PARD3B: variants seen among roughly 807,000 people sequenced by gnomAD.
PARD3B encodes partitioning defective 3 homolog B.
PARD3B carries 103 observed loss-of-function variants against 130.2 expected under a neutral mutation model. The observed-to-expected ratio is 0.79, with a 90% CI of 0.67 to 0.93. PARD3B has a LOEUF of 0.93. Among genes scored for constraint, PARD3B ranks in the 40% least tolerant of loss-of-function variants. The pLI is 0.00. For synonymous variants in PARD3B, 583 were observed against 553.2 expected (o/e 1.05, Z -0.76); for missense variants, 1,609 against 1,499.2 (o/e 1.07, Z -1.21).
chr2:205,531,295 A>G (rs2051581242), intron 21 of PARD3B, among the ~76,000 whole-genome samples: 1 of 152,154 alleles, frequency 6.6e-6, no homozygotes, highest in African/African-American at 2.4e-5. Flanking sequence ...GAGAAAAGCC[A>G]CCCAGAGAGA....
At chr2:205,238,338 G>A (rs2039160765) in intron 15 of PARD3B, among the ~76,000 whole-genome samples, 1 of 152,128 alleles carries the variant, frequency 6.6e-6, no homozygotes, top group Admixed American at 6.6e-5. Flanking sequence ...CAGGTGCAGT[G>A]GCACCGGCTG....
At chr2:205,533,794 A>C (rs2051711737) in intron 21 of PARD3B, among the ~76,000 whole-genome samples, 1 of 152,044 alleles carries the variant, frequency 6.6e-6, no homozygotes, top group South Asian at 2.1e-4. Context: ...CAGGGGTGCA[A>C]ACAGGTCACT....
intron 2 of PARD3B, among the ~76,000 whole-genome samples, chr2:204,939,992 G>A (rs1688781462): frequency 6.6e-6 from 1 of 152,148 alleles, no homozygotes; most frequent in Non-Finnish European, 1.5e-5. Context: ...TTGGTAAGTT[G>A]AAATATTGTA....
At chr2:204,909,882 A>G (rs77406642) in intron 2 of PARD3B, among the ~76,000 whole-genome samples, 3,397 of 152,256 alleles carry the variant, frequency 0.022, 56 homozygotes, top group Non-Finnish European at 0.037. Context: ...TTTTCGAACT[A>G]TTTTTCTCAT....
intron 3 of PARD3B, among the ~76,000 whole-genome samples, chr2:204,992,792 C>T (rs1315506985): frequency 6.9e-6 from 1 of 144,820 alleles, no homozygotes; most frequent in African/African-American, 2.6e-5. Flanking sequence ...GAGGTCCTTC[C>T]CATCCCTTGT....
At chr2:204,806,331 A>G (rs1276685851) in intron 2 of PARD3B, among the ~76,000 whole-genome samples, 1 of 152,176 alleles carries the variant, frequency 6.6e-6, no homozygotes, top group African/African-American at 2.4e-5. Flanking sequence ...CTAGAAAGAA[A>G]TCCACAAATC....
chr2:205,504,154 A>G (rs946483405), intron 21 of PARD3B, among the ~76,000 whole-genome samples: 1 of 152,238 alleles, frequency 6.6e-6, no homozygotes, highest in Non-Finnish European at 1.5e-5. Flanking sequence ...ATAATTCCCT[A>G]TTTAATAAAT....
intron 2 of PARD3B, among the ~76,000 whole-genome samples, chr2:204,820,809 C>G (rs1459261167): frequency 8.7e-6 from 1 of 115,004 alleles, no homozygotes; most frequent in African/African-American, 3.4e-5. Flanking sequence ...GAGTGAGACT[C>G]TTGTCTCAAA....
intron 21 of PARD3B, among the ~76,000 whole-genome samples, chr2:205,513,271 G>C (rs774916424): frequency 2.6e-5 from 4 of 152,000 alleles, no homozygotes; most frequent in African/African-American, 7.2e-5. Context: ...TGTGGCTTTC[G>C]TGTGGTTCCA....
At chr2:204,838,869 T>TA (rs749692802) in intron 2 of PARD3B, among the ~76,000 whole-genome samples, 8 of 152,084 alleles carry the variant, frequency 5.3e-5, no homozygotes, top group Non-Finnish European at 7.4e-5. Context: ...AATAAAAATT[T>TA]AAAAAAACAA....
chr2:204,974,314 G>A (rs1157727895), intron 3 of PARD3B, among the ~76,000 whole-genome samples: 1 of 152,120 alleles, frequency 6.6e-6, no homozygotes, highest in Non-Finnish European at 1.5e-5. Flanking sequence ...ATGTATGTTT[G>A]TAGAATACGG....
Position 204,649,578 on chromosome 2 carries a change from T to C in PARD3B, c.121-36603T>C, listed in dbSNP as rs150561470. On this transcript the variant is annotated intron_variant, in intron 1 of 22. Coordinates refer to ENST00000406610, the MANE Select transcript of PARD3B (RefSeq NM_001302769.2). ...ACCACCACCCAGACACACAAAAAAATGGAACAGAATAGAGAGCCCAGAAAT... is the reference window on the plus strand; with the variant it reads ...ACCACCACCCAGACACACAAAAAAACGGAACAGAATAGAGAGCCCAGAAAT... 1.4e-3 allele frequency among the ~76,000 whole-genome samples: 208 copies of C among 150,382 alleles called. 1 individual carries two copies. Among genetic ancestry groups the C allele is most frequent in the African/African-American group, 4.9e-3 (201 of 41,076 alleles).
chr2:204,608,590 G>A (rs891602147), intron 1 of PARD3B, among the ~76,000 whole-genome samples: 3 of 152,140 alleles, frequency 2.0e-5, no homozygotes, highest in African/African-American at 7.2e-5. Flanking sequence ...CTCTTTATTA[G>A]CACAGATAAA....
At chr2:204,848,479 A>G (rs896582357) in intron 2 of PARD3B, among the ~76,000 whole-genome samples, 4 of 152,168 alleles carry the variant, frequency 2.6e-5, no homozygotes, top group Non-Finnish European at 5.9e-5. Context: ...TACAAAAATA[A>G]AAATAAAAAA....
intron 2 of PARD3B, among the ~76,000 whole-genome samples, chr2:204,871,508 A>G (rs1370296362): frequency 3.3e-5 from 5 of 152,144 alleles, no homozygotes; most frequent in African/African-American, 9.6e-5. Flanking sequence ...AAAAAGTTCA[A>G]TTCTAATCCC....
chr2:205,100,648 A>G (rs1316665825), intron 4 of PARD3B, among the ~76,000 whole-genome samples: 3 of 152,174 alleles, frequency 2.0e-5, no homozygotes. Flanking sequence ...GTATAGATCA[A>G]TGAATAAAAT....
At chr2:204,998,817 G>C (rs1008176304) in intron 3 of PARD3B, among the ~76,000 whole-genome samples, 3 of 152,186 alleles carry the variant, frequency 2.0e-5, no homozygotes, top group Admixed American at 2.0e-4. Context: ...TGGTTCAAGT[G>C]ATTCTCCTGC....
intron 2 of PARD3B, among the ~76,000 whole-genome samples, chr2:204,898,573 G>A (rs1057070751): frequency 1.3e-5 from 2 of 152,134 alleles, no homozygotes; most frequent in Admixed American, 6.5e-5. Context: ...TCCATGTGCT[G>A]AGGAAAAGAG....
chr2:205,088,585 A>G (rs531684073), intron 4 of PARD3B, among the ~76,000 whole-genome samples: 1 of 152,278 alleles, frequency 6.6e-6, no homozygotes, highest in Non-Finnish European at 1.5e-5. Context: ...TCAACCCTCA[A>G]CTTTCACTAT....
Sources: gnomAD v4.1 joint callset for allele counts (sites outside exome capture counted in the v4.1 genomes callset) on GRCh38, gnomAD v4.1.1 for gene constraint, MANE v1.5 for transcripts, NCBI Gene and HGNC (gene_info 2026-07-23, HGNC 2026-07-21) for gene names.